LRRC7: variants seen among roughly 807,000 people sequenced by gnomAD.
The protein encoded by LRRC7 is leucine rich repeat containing 7.
Under a neutral mutation model 175.7 loss-of-function variants are expected in LRRC7, and 23 were observed. That is an observed-to-expected ratio of 0.13 (90% CI 0.09 to 0.19). The LOEUF (loss-of-function observed/expected upper bound fraction) is 0.19. Among genes scored for constraint, LRRC7 ranks in the 10% least tolerant of loss-of-function variants. The pLI is 1.00. For synonymous variants in LRRC7, 685 were observed against 680.9 expected (o/e 1.01, Z -0.09); for missense variants, 1,354 against 1,904.7 (o/e 0.71, Z 5.38).
At chr1:69,913,764 C>T (rs768977199) in intron 7 of LRRC7, among the ~76,000 whole-genome samples, 5 of 152,092 alleles carry the variant, frequency 3.3e-5, no homozygotes, top group Non-Finnish European at 4.4e-5. Context: ...CCACCCACCT[C>T]GGCCTCCCAA....
At chr1:69,947,090 A>G (rs552998137) in intron 8 of LRRC7, among the ~76,000 whole-genome samples, 1 of 151,802 alleles carries the variant, frequency 6.6e-6, no homozygotes, top group African/African-American at 2.4e-5. Flanking sequence ...CCTGAGCAAC[A>G]GAGTGAGACT....
chr1:69,692,544 G>A (rs1390559957), intron 2 of LRRC7, among the ~76,000 whole-genome samples: 2 of 152,170 alleles, frequency 1.3e-5, no homozygotes, highest in African/African-American at 2.4e-5. Context: ...GCAGAGAGGA[G>A]GAGCAATGTG....
At chr1:69,577,824 G>A (rs144201802) in intron 1 of LRRC7, among the ~76,000 whole-genome samples, 1,665 of 152,198 alleles carry the variant, frequency 0.011, 32 homozygotes, top group African/African-American at 0.038. Flanking sequence ...GATGCCTCCA[G>A]CTTTCTTCTT....
intron 5 of LRRC7, among the ~76,000 whole-genome samples, chr1:69,831,232 A>T (rs1335183319): frequency 6.6e-6 from 1 of 152,036 alleles, no homozygotes; most frequent in African/African-American, 2.4e-5. Context: ...CATGTATCAT[A>T]TTGATCATCT....
At chr1:69,800,880 T>A (rs1009351305) in intron 4 of LRRC7, among the ~76,000 whole-genome samples, 2 of 151,916 alleles carry the variant, frequency 1.3e-5, no homozygotes, top group Non-Finnish European at 2.9e-5. Flanking sequence ...TTGTAGTATA[T>A]GATCTTTATT....
chr1:69,592,179 C>T (rs1646663248), intron 1 of LRRC7, among the ~76,000 whole-genome samples: 1 of 152,056 alleles, frequency 6.6e-6, no homozygotes, highest in African/African-American at 2.4e-5. Context: ...CCCTCACACA[C>T]ATATACACAT....
chr1:69,589,115 GGTGTGTGT>G (rs55678803), intron 1 of LRRC7, among the ~76,000 whole-genome samples: 15,692 of 142,056 alleles, frequency 0.11, 889 homozygotes, highest in South Asian at 0.16. Context: ...TCATAAAAAG[GGTGTGTGT>G]GTGTGTGTGT....
chr1:69,620,384 A>G (rs1650376982), intron 1 of LRRC7, among the ~76,000 whole-genome samples: 2 of 152,194 alleles, frequency 1.3e-5, no homozygotes, highest in South Asian at 2.1e-4. Context: ...TTAAACATAT[A>G]TAAAAATTCT....
intron 7 of LRRC7, among the ~76,000 whole-genome samples, chr1:69,905,807 A>G (rs962167360): frequency 6.6e-6 from 1 of 152,084 alleles, no homozygotes; most frequent in East Asian, 1.9e-4. Context: ...GGTATTTCTA[A>G]TTCTAGATCC....
At chr1:69,879,212 TAAAAAAAAAAAA>T (rs201332183) in intron 7 of LRRC7, among the ~76,000 whole-genome samples, 6 of 91,970 alleles carry the variant, frequency 6.5e-5, no homozygotes, top group Admixed American at 1.3e-4. Context: ...AAAACTGCTT[TAAAAAAAAAAAA>T]AAAAAAAAAA....
intron 10 of LRRC7, among the ~76,000 whole-genome samples, chr1:69,987,247 A>G (rs1244068329): frequency 7.2e-6 from 1 of 138,372 alleles, no homozygotes; most frequent in African/African-American, 2.5e-5. Context: ...TCCGTCTCAA[A>G]AACAAACAAA....
intron 22 of LRRC7, among the ~76,000 whole-genome samples, chr1:70,044,866 G>A (rs1170867707): frequency 6.6e-6 from 1 of 152,126 alleles, no homozygotes; most frequent in South Asian, 2.1e-4. Context: ...CATTTTCACA[G>A]TATGTCATTA....
At chr1:69,868,873 C>CTCTA (rs566648455) in intron 7 of LRRC7, among the ~76,000 whole-genome samples, 135 of 151,432 alleles carry the variant, frequency 8.9e-4, no homozygotes, top group African/African-American at 2.7e-3. Flanking sequence ...TGATTTCTCT[C>CTCTA]TCTATCTATC....
At chr1:69,830,188 T>A (rs943449493) in intron 5 of LRRC7, among the ~76,000 whole-genome samples, 7 of 151,828 alleles carry the variant, frequency 4.6e-5, no homozygotes, top group Admixed American at 6.6e-5. Context: ...GTAGGATACA[T>A]TCTCAAAAAT....
intron 7 of LRRC7, among the ~76,000 whole-genome samples, chr1:69,917,545 A>C (rs1646757987): frequency 6.6e-6 from 1 of 152,018 alleles, no homozygotes; most frequent in Non-Finnish European, 1.5e-5. Context: ...GAGACATTTG[A>C]CAATGTCTGG....
intron 1 of LRRC7, among the ~76,000 whole-genome samples, chr1:69,639,488 T>C (rs1005635638): frequency 2.0e-5 from 3 of 151,828 alleles, no homozygotes; most frequent in African/African-American, 7.2e-5. Flanking sequence ...TCTATTTTTG[T>C]GAAAATTTTA....
chr1:69,874,838 T>C (rs993594980), intron 7 of LRRC7: 3 of 152,082 alleles, frequency 2.0e-5, no homozygotes, highest in Admixed American at 2.0e-4. Context: ...CTTATGAAGA[T>C]CTATATGTAA....
chr1:69,739,463 A>C (rs2100848434), intron 2 of LRRC7, among the ~76,000 whole-genome samples: 2 of 152,222 alleles, frequency 1.3e-5, no homozygotes, highest in South Asian at 4.1e-4. Context: ...TCTTTCTACT[A>C]CTGCCAAGCC....
chr1:69,920,731 T>C (rs561141053), intron 7 of LRRC7, among the ~76,000 whole-genome samples: 2 of 152,286 alleles, frequency 1.3e-5, no homozygotes, highest in East Asian at 3.9e-4. Flanking sequence ...AGAATACATG[T>C]TGCCTAGAAC....
Sources: allele counts gnomAD v4.1 joint callset (sites outside exome capture counted in the v4.1 genomes callset), GRCh38; gene constraint gnomAD v4.1.1; transcripts MANE v1.5; gene names NCBI Gene and HGNC (gene_info 2026-07-23, HGNC 2026-07-21).